Variants in ANKRD30A observed in about 807,000 individuals in gnomAD.
ANKRD30A encodes ankyrin repeat domain 30A.
In ANKRD30A, 170 loss-of-function variants were observed where a neutral mutation model predicts 166.3. The observed-to-expected ratio is 1.02, with a 90% CI of 0.90 to 1.16. The LOEUF (loss-of-function observed/expected upper bound fraction) is 1.16, where lower values mean the gene tolerates loss of function less well. Among genes scored for constraint, ANKRD30A ranks in the 50% most tolerant of loss-of-function variants. The probability of loss-of-function intolerance (pLI) is 0.00; values close to 1 mark genes in which losing one functional copy is unlikely to be tolerated. For missense variants in ANKRD30A, 1,630 were observed against 1,518.0 expected, an observed-to-expected ratio of 1.07 and a Z score of -1.23; for synonymous variants, 564 against 508.9, an observed-to-expected ratio of 1.11 and a Z score of -1.46.
At chr10:37,232,466 C>T (rs1843455175) in intron 35 of ANKRD30A, 33 bp from the exon 36 acceptor site, 1 of 150,468 alleles carries the variant, frequency 6.6e-6, no homozygotes, top group East Asian at 2.0e-4. Flanking sequence ...GCAACTACAA[C>T]CACACATAAG....
intron 34 of ANKRD30A, among the ~76,000 whole-genome samples, chr10:37,226,103 T>TA (rs1564597030): frequency 6.7e-6 from 1 of 149,482 alleles, no homozygotes; most frequent in African/African-American, 2.4e-5. Context: ...TTCTTTTTAT[T>TA]TATATATATA....
chr10:37,167,310 G>T (rs1221050112), intron 19 of ANKRD30A, among the ~76,000 whole-genome samples: 1 of 139,300 alleles, frequency 7.2e-6, no homozygotes, highest in African/African-American at 3.0e-5. Context: ...ATAGATGTGT[G>T]CATGTATGTA....
the ANKRD30A span, among the ~76,000 whole-genome samples, chr10:37,253,794 C>A: frequency 6.6e-6 from 1 of 151,906 alleles, no homozygotes; most frequent in Admixed American, 6.6e-5. Context: ...ACCACAGGTG[C>A]CCGCCACCAT....
intron 31 of ANKRD30A, among the ~76,000 whole-genome samples, chr10:37,204,128 GA>G (rs541655737): frequency 5.8e-4 from 89 of 152,138 alleles, no homozygotes; most frequent in African/African-American, 1.9e-3. Context: ...CACAGAATTG[GA>G]AAAACTACTT....
At chr10:37,162,606 C>T in intron 15 of ANKRD30A, 43 bp from the exon 16 acceptor site, 2 of 1,610,416 alleles carry the variant, frequency 1.2e-6, no homozygotes, top group Non-Finnish European at 1.7e-6. Context: ...GTTGGCTTGT[C>T]ATATTTACAT....
At chr10:37,159,073 A>G (rs1289621576) in intron 15 of ANKRD30A, among the ~76,000 whole-genome samples, 1 of 152,152 alleles carries the variant, frequency 6.6e-6, no homozygotes, top group South Asian at 2.1e-4. Flanking sequence ...AGCAATCATT[A>G]CTTGATGACT....
At chr10:37,258,828 T>C in the ANKRD30A span, among the ~76,000 whole-genome samples, 1 of 151,486 alleles carries the variant, frequency 6.6e-6, no homozygotes, top group Non-Finnish European at 1.5e-5. Flanking sequence ...CCAGGCATGG[T>C]GGTGGACACC....
At position 37,153,632 on chromosome 10, in the gene ANKRD30A, G is replaced by T. The variant is rs1219669225; in HGVS notation, c.1768G>T (p.Glu590Ter). The change falls in exon 13 of 36, where the codon GAA becomes TAA. Residue 590 changes from glutamate (E) to a stop codon, truncating the protein, a stop_gained. Coordinates refer to ENST00000361713, the MANE Select transcript of ANKRD30A (RefSeq NM_052997.3). LOFTEE classifies it high-confidence loss of function. ...TTTACCCAAGGCTACACATCAAAAA[G>T]AAATAGATAAAATAAATGGAAAATT... is the stretch of plus-strand genomic sequence containing the variant. ...VCLPKATHQKEIDKINGKLEE... is the reference protein window; with the variant it reads ...VCLPKATHQK The T allele has an allele frequency of 6.2e-7, 1 of 1,611,754 alleles. No individual in the cohort carries two copies. Among genetic ancestry groups the T allele is most frequent in the African/African-American group, 1.3e-5 (1 of 74,912 alleles).
intron 9 of ANKRD30A, among the ~76,000 whole-genome samples, chr10:37,148,771 A>G (rs983937981): frequency 2.0e-5 from 3 of 152,088 alleles, no homozygotes; most frequent in African/African-American, 4.8e-5. Flanking sequence ...ATTTGAAACT[A>G]AGAACATTGG....
intron 24 of ANKRD30A, among the ~76,000 whole-genome samples, chr10:37,179,803 C>G (rs1403172299): frequency 1.8e-5 from 2 of 110,212 alleles, no homozygotes; most frequent in Non-Finnish European, 4.0e-5. Flanking sequence ...ATGATTTGCT[C>G]CTGTGATTCC....
rs774184874 is a variant in ANKRD30A at position 37,130,352 on chromosome 10, G to A, written c.484G>A (p.Gly162Ser). The A allele has an allele frequency of 1.4e-5, 22 of 1,544,440 alleles. No homozygotes were observed. Among genetic ancestry groups the A allele is most frequent in the Non-Finnish European group, 1.9e-5 (22 of 1,145,584 alleles). Residue 162 changes from glycine (G) to serine (S), a missense_variant, in exon 3 of 36, where the codon GGT (glycine) becomes AGT (serine). Coordinates refer to ENST00000361713, the MANE Select transcript of ANKRD30A (RefSeq NM_052997.3). ...AGTGGTGGCAAAACTGCTGTCCCAT[G>A]GTGCAGTCATCGAAGTGCACAACAA... is the stretch of plus-strand genomic sequence containing the variant. ...LSVVAKLLSH[G>S]AVIEVHNKAS...
intron 34 of ANKRD30A, among the ~76,000 whole-genome samples, chr10:37,224,989 C>G (rs1162003120): frequency 6.6e-6 from 1 of 151,482 alleles, no homozygotes; most frequent in Admixed American, 6.6e-5. Context: ...TATAAATATG[C>G]TTTTCCCCTT....
At chr10:37,235,345 A>T (rs1311657193), downstream of ANKRD30A, among the ~76,000 whole-genome samples, 1 of 152,300 alleles carries the variant, frequency 6.6e-6, no homozygotes, top group Non-Finnish European at 1.5e-5. Flanking sequence ...GACACAGTGC[A>T]CGTATTTAAT....
At chr10:37,171,050 C>T (rs1218692916) in intron 21 of ANKRD30A, among the ~76,000 whole-genome samples, 1 of 84,178 alleles carries the variant, frequency 1.2e-5, no homozygotes. Flanking sequence ...GTGGTCCGCC[C>T]GTCTCGGCCT....
At chr10:37,154,715 G>C (rs1431876782) in intron 13 of ANKRD30A, among the ~76,000 whole-genome samples, 1 of 152,192 alleles carries the variant, frequency 6.6e-6, no homozygotes, top group African/African-American at 2.4e-5. Flanking sequence ...CAGGGGACAA[G>C]AGAGAAGCCA....
At chr10:37,162,564 T>G in intron 15 of ANKRD30A, 85 bp from the exon 16 acceptor site, 1 of 1,543,710 alleles carries the variant, frequency 6.5e-7, no homozygotes, top group Non-Finnish European at 8.9e-7. Flanking sequence ...GCAAGAGGAG[T>G]CAGTTAAATA....
chr10:37,198,815 G>A (rs546895672), intron 29 of ANKRD30A, among the ~76,000 whole-genome samples: 155 of 152,176 alleles, frequency 1.0e-3, no homozygotes, highest in Non-Finnish European at 1.8e-3. Flanking sequence ...TGATGAAATG[G>A]TCTTTTAAGT....
intron 17 of ANKRD30A, among the ~76,000 whole-genome samples, 197 bp from the exon 18 acceptor site, chr10:37,164,897 A>T (rs961707491): frequency 2.6e-5 from 4 of 152,112 alleles, no homozygotes; most frequent in African/African-American, 7.2e-5. Flanking sequence ...CTAATGACAT[A>T]ATGTTAATTG....
At chr10:37,150,600 T>G (rs1413766795) in intron 11 of ANKRD30A, among the ~76,000 whole-genome samples, 1 of 152,076 alleles carries the variant, frequency 6.6e-6, no homozygotes, top group Admixed American at 6.6e-5. Flanking sequence ...GCATACATGG[T>G]TGTACGGTGT....
Sources: gnomAD v4.1 joint callset for allele counts (sites outside exome capture counted in the v4.1 genomes callset) on GRCh38, gnomAD v4.1.1 for gene constraint, MANE v1.5 for transcripts, NCBI Gene and HGNC (gene_info 2026-07-23, HGNC 2026-07-21) for gene names.